DGKH: variants seen among roughly 807,000 people sequenced by gnomAD.
DGKH encodes diacylglycerol kinase eta.
In DGKH, 90 loss-of-function variants were observed where a neutral mutation model predicts 159.3. The observed-to-expected ratio is 0.57, with a 90% CI of 0.48 to 0.67. The LOEUF (loss-of-function observed/expected upper bound fraction) is 0.67, where lower values mean the gene tolerates loss of function less well. DGKH is among the 30% of genes least tolerant of loss of function. DGKH has a pLI of 0.00. For missense variants in DGKH, 1,181 were observed against 1,506.1 expected (o/e 0.78, Z 3.57); for synonymous variants, 536 against 553.8 (o/e 0.97, Z 0.45).
In DGKH at chr13:42,230,270, C is replaced by T. The variant is rs765225684; in HGVS notation, c.*1082C>T. ...TACTGACAGATAACCCAGACTCACC[C>T]GCTCTCTACAGTGACTTCTGACACG... On this transcript the variant is annotated 3_prime_UTR_variant, in exon 30 of 30. Coordinates refer to ENST00000337343, the MANE Select transcript of DGKH (RefSeq NM_178009.5). 1.3e-5 allele frequency: 2 copies of T among 152,066 alleles called. No individual in the cohort carries two copies. The highest frequency in any genetic ancestry group is 2.9e-5 in the Non-Finnish European group (2 of 68,026). 9.4% of individuals were successfully genotyped at this position (152,066 alleles called of 1,614,324 possible). A position where few individuals can be genotyped will look rare whatever the true frequency, so the allele number is the denominator to read the frequency against.
intron 1 of DGKH, among the ~76,000 whole-genome samples, chr13:42,083,406 C>T (rs1030168028): frequency 2.0e-5 from 3 of 152,146 alleles, no homozygotes; most frequent in Admixed American, 2.0e-4. Context: ...GACATGCTCT[C>T]CTCTTTCTGT....
intron 21 of DGKH, among the ~76,000 whole-genome samples, chr13:42,208,752 G>A (rs886199320): frequency 3.3e-5 from 5 of 151,216 alleles, no homozygotes; most frequent in South Asian, 2.1e-4. Flanking sequence ...TAGTATATCC[G>A]TGTATATTTG....
At chr13:42,254,212 A>T (rs181903374) in intron 30 of DGKH, among the ~76,000 whole-genome samples, 1 of 152,354 alleles carries the variant, frequency 6.6e-6, no homozygotes, top group Admixed American at 6.5e-5. Context: ...ATGCATAAGT[A>T]TGTTAATCAC....
At chr13:42,220,270 A>T (rs1433552378) in intron 28 of DGKH, among the ~76,000 whole-genome samples, 1 of 152,230 alleles carries the variant, frequency 6.6e-6, no homozygotes, top group Non-Finnish European at 1.5e-5. Context: ...ACCTAAAGTT[A>T]TATATTCCCT....
chr13:42,214,422 T>C, intron 24 of DGKH, 85 bp from the exon 25 acceptor site: 1 of 1,323,952 alleles, frequency 7.6e-7, no homozygotes, highest in Non-Finnish European at 1.0e-6. Context: ...TTTTTACTTG[T>C]TTTATCCTAA....
Position 42,155,662 on chromosome 13 carries a change from T to G in DGKH, c.490-5T>G. 4.3e-6 allele frequency: 7 copies of G among 1,614,218 alleles called. No individual in the cohort carries two copies. The highest frequency in any genetic ancestry group is 5.9e-6 in the Non-Finnish European group (7 of 1,180,020). On this transcript the variant is annotated splice_polypyrimidine_tract_variant and splice_region_variant and intron_variant, in intron 4 of 29. Coordinates refer to ENST00000337343, the MANE Select transcript of DGKH (RefSeq NM_178009.5). Reference sequence around the variant, plus strand: ...GGCAAATCTGTCCTCACATCTCATTTCTAGGTGGCCCAGTTTAATGTGGAA... The same window carrying G: ...GGCAAATCTGTCCTCACATCTCATTGCTAGGTGGCCCAGTTTAATGTGGAA...
rs1593980940 is a variant in DGKH, at chr13:42,069,137, C to T, written c.192+20172C>T. ...CAGAAATCCTTCCTCATTTCTCTCT[C>T]CCCAAGCTTCCCATCCTCTACTGGC... On this transcript the variant is annotated intron_variant, in intron 1 of 29. Transcript: ENST00000337343. 3 of 1,397,260 alleles carry T rather than the reference C, an allele frequency of 2.1e-6. No individual in the cohort carries two copies. The East Asian group carries it at 6.9e-5, about 32-fold the overall frequency. The allele number at this position is 1,397,260 out of a possible 1,614,324, so 86.6% of individuals were successfully genotyped here.
chr13:42,210,453 A>G (rs1262315787), intron 23 of DGKH, 149 bp from the exon 24 acceptor site: 1 of 728,618 alleles, frequency 1.4e-6, no homozygotes, highest in Non-Finnish European at 2.2e-6. Flanking sequence ...GTTGCAGTAC[A>G]TTGGAAAACT....
At chr13:42,143,173 C>T (rs970319233) in intron 3 of DGKH, among the ~76,000 whole-genome samples, 38 of 152,110 alleles carry the variant, frequency 2.5e-4, no homozygotes, top group Non-Finnish European at 4.1e-4. Context: ...TTTTTGTTGT[C>T]GGTTCTGTTT....
chr13:42,143,015 A>G (rs1478078337), intron 3 of DGKH, among the ~76,000 whole-genome samples: 1 of 152,178 alleles, frequency 6.6e-6, no homozygotes, highest in Non-Finnish European at 1.5e-5. Context: ...CCCATTCAGT[A>G]TGATATTGGC....
intron 11 of DGKH, among the ~76,000 whole-genome samples, chr13:42,170,942 CAAAAA>C (rs5803114): frequency 2.2e-5 from 3 of 136,066 alleles, no homozygotes; most frequent in Admixed American, 7.2e-5. Flanking sequence ...GACTCTGTCT[CAAAAA>C]AAAAAAAAAA....
chr13:42,190,111 A>C (rs1566174548), intron 15 of DGKH, among the ~76,000 whole-genome samples: 3 of 152,204 alleles, frequency 2.0e-5, no homozygotes, highest in Admixed American at 1.3e-4. Context: ...TTTTAGTATG[A>C]ATAATTAATG....
chr13:42,166,955 G>A (rs1594130528), intron 9 of DGKH, among the ~76,000 whole-genome samples: 1 of 152,138 alleles, frequency 6.6e-6, no homozygotes, highest in African/African-American at 2.4e-5. Context: ...ATCAACTTGC[G>A]TAAATATAGA....
chr13:42,107,952 T>G (rs554829158), intron 1 of DGKH, among the ~76,000 whole-genome samples: 2 of 152,332 alleles, frequency 1.3e-5, no homozygotes, highest in East Asian at 3.9e-4. Context: ...TGGTACTTTC[T>G]GTCTACTTCC....
At chr13:42,073,302 A>G (rs1398380664) in intron 1 of DGKH, among the ~76,000 whole-genome samples, 1 of 152,160 alleles carries the variant, frequency 6.6e-6, no homozygotes, top group Non-Finnish European at 1.5e-5. Flanking sequence ...TGTGCAGGAG[A>G]TCAACAATTA....
chr13:42,144,035 C>G (rs1955652188), intron 3 of DGKH, among the ~76,000 whole-genome samples: 4 of 152,154 alleles, frequency 2.6e-5, no homozygotes. Context: ...CTATAAATAT[C>G]TGGATATTAG....
intron 29 of DGKH, among the ~76,000 whole-genome samples, chr13:42,251,946 G>A (rs7997558): frequency 8.1e-4 from 123 of 152,164 alleles, no homozygotes; most frequent in African/African-American, 2.8e-3. Flanking sequence ...TCCTCATCAC[G>A]CTGCACAAAG....
intron 3 of DGKH, among the ~76,000 whole-genome samples, chr13:42,147,431 T>C (rs1566130429): frequency 1.3e-5 from 2 of 152,228 alleles, no homozygotes. Flanking sequence ...AGTATGATTA[T>C]GGTGTAATGG....
chr13:42,202,759 A>G lies in DGKH; in HGVS notation c.2493+2850A>G, dbSNP rs1404867999. On this transcript the variant is annotated intron_variant, in intron 20 of 29. Coordinates refer to ENST00000337343, the MANE Select transcript of DGKH (RefSeq NM_178009.5). ...CCAGAAATGTAAATAACGTCACAGT[A>G]TCATATTTTGCTACTTTTAGAGTAG... Among the ~76,000 whole-genome samples the G allele has an allele frequency of 2.6e-5, 4 of 152,324 alleles. No individual in the cohort carries two copies. In the East Asian group the frequency reaches 7.7e-4, roughly 29 times the overall value.
Sources: gnomAD v4.1 joint callset for allele counts (sites outside exome capture counted in the v4.1 genomes callset) on GRCh38, gnomAD v4.1.1 for gene constraint, MANE v1.5 for transcripts, NCBI Gene and HGNC (gene_info 2026-07-23, HGNC 2026-07-21) for gene names.